NDUFAF2: variants seen among roughly 807,000 people sequenced by gnomAD.
NDUFAF2 encodes the protein NADH:ubiquinone oxidoreductase complex assembly factor 2.
Under a neutral mutation model 22.8 loss-of-function variants are expected in NDUFAF2, and 13 were observed. The observed-to-expected ratio is 0.57, with a 90% CI of 0.37 to 0.91. The LOEUF is 0.91. Among genes scored for constraint, NDUFAF2 ranks in the 40% least tolerant of loss-of-function variants. The probability of loss-of-function intolerance (pLI) is 0.01; values close to 1 mark genes in which losing one functional copy is unlikely to be tolerated. For missense variants in NDUFAF2, 162 were observed against 195.2 expected, an observed-to-expected ratio of 0.83 and a Z score of 1.01; for synonymous variants, 53 against 64.2, an observed-to-expected ratio of 0.83 and a Z score of 0.84.
intron 1 of NDUFAF2, among the ~76,000 whole-genome samples, chr5:60,978,676 A>C (rs980889520): frequency 6.6e-5 from 10 of 152,182 alleles, no homozygotes; most frequent in Admixed American, 5.9e-4. Context: ...ATTACAATTC[A>C]ACATCATATT....
At chr5:60,996,322 A>G (rs982200899) in intron 1 of NDUFAF2, among the ~76,000 whole-genome samples, 2 of 152,106 alleles carry the variant, frequency 1.3e-5, no homozygotes, top group African/African-American at 4.8e-5. Flanking sequence ...ACCAGGGTGT[A>G]TCTAGAAATG....
At chr5:60,969,198 T>A (rs1305136499) in intron 1 of NDUFAF2, among the ~76,000 whole-genome samples, 1 of 152,130 alleles carries the variant, frequency 6.6e-6, no homozygotes, top group Admixed American at 6.5e-5. Flanking sequence ...CTCTTTGATA[T>A]ACTGTTTTCC....
chr5:60,991,613 A>G (rs935936432), intron 1 of NDUFAF2, among the ~76,000 whole-genome samples: 3 of 152,158 alleles, frequency 2.0e-5, no homozygotes, highest in African/African-American at 4.8e-5. Context: ...AGTTCCATTC[A>G]TGTTGTTGCA....
chr5:61,129,971 C>T (rs1033645695), intron 3 of NDUFAF2, among the ~76,000 whole-genome samples: 1 of 151,904 alleles, frequency 6.6e-6, no homozygotes, highest in Non-Finnish European at 1.5e-5. Flanking sequence ...CTAATTCCTG[C>T]CACACTTAAA....
rs112926599 is a variant in NDUFAF2 at position 60,972,404 on chromosome 5, G to A, written c.127+27022G>A. Among the ~76,000 whole-genome samples, 22 of 152,208 alleles carry A rather than the reference G, an allele frequency of 1.4e-4. No homozygotes were observed. The South Asian group carries it at 4.6e-3, about 32-fold the overall frequency. On this transcript the variant is annotated intron_variant, in intron 1 of 3. Transcript: ENST00000296597. ...TGGTTTCCCCAATCCTGCTCTTGTG[G>A]TGATGAGTGAGTTCTCATGAGATCT...
At chr5:60,948,351 C>G (rs1750493504) in intron 1 of NDUFAF2, among the ~76,000 whole-genome samples, 1 of 152,068 alleles carries the variant, frequency 6.6e-6, no homozygotes. Flanking sequence ...TCCCAAGTAA[C>G]TGAGATGTGT....
intron 1 of NDUFAF2, among the ~76,000 whole-genome samples, chr5:61,022,658 G>C (rs1038051016): frequency 6.6e-6 from 1 of 152,040 alleles, no homozygotes; most frequent in Non-Finnish European, 1.5e-5. Flanking sequence ...TTGTTTGTTC[G>C]TTTTGAGACG....
chr5:61,017,438 ATGTT>A (rs780214578), intron 1 of NDUFAF2, among the ~76,000 whole-genome samples: 144 of 152,224 alleles, frequency 9.5e-4, no homozygotes, highest in Middle Eastern at 3.4e-3. Flanking sequence ...ACTTTGTAGA[ATGTT>A]TGAGACAAAA....
At chr5:60,977,849 A>AAG (rs1398906093) in intron 1 of NDUFAF2, among the ~76,000 whole-genome samples, 1 of 151,544 alleles carries the variant, frequency 6.6e-6, no homozygotes, top group Non-Finnish European at 1.5e-5. Flanking sequence ...AAAAAAAAAA[A>AAG]AAAGAAAAGA....
At chr5:61,088,996 T>G (rs988814186) in intron 2 of NDUFAF2, among the ~76,000 whole-genome samples, 2 of 152,142 alleles carry the variant, frequency 1.3e-5, no homozygotes, top group Non-Finnish European at 2.9e-5. Flanking sequence ...TACTTTAGCC[T>G]CTATTGACAA....
intron 3 of NDUFAF2, among the ~76,000 whole-genome samples, chr5:61,130,520 G>A (rs1753096049): frequency 6.6e-6 from 1 of 152,112 alleles, no homozygotes; most frequent in Non-Finnish European, 1.5e-5. Flanking sequence ...TTGCCATATT[G>A]CAGTGTTCAG....
chr5:61,138,073 C>T (rs1274511507), intron 3 of NDUFAF2, among the ~76,000 whole-genome samples: 1 of 152,216 alleles, frequency 6.6e-6, no homozygotes, highest in Admixed American at 6.5e-5. Flanking sequence ...ACTGTCTGCT[C>T]ACAGCATTCA....
chr5:61,135,014 T>C lies in NDUFAF2; in HGVS notation c.259-17690T>C, dbSNP rs572329089. The stretch of plus-strand genomic sequence containing the variant: ...TATTGGCATTTTTATTTTACACACA[T>C]ATTTAAAATAAATATATTAATATTC... On this transcript the variant is annotated intron_variant, in intron 3 of 3. Transcript: ENST00000296597. Among the ~76,000 whole-genome samples the C allele has an allele frequency of 3.3e-5, 5 of 151,930 alleles. No individual in the cohort carries two copies. In the East Asian group the frequency reaches 7.8e-4, roughly 24 times the overall value.
At chr5:60,986,460 A>G (rs942329181) in intron 1 of NDUFAF2, among the ~76,000 whole-genome samples, 1 of 152,214 alleles carries the variant, frequency 6.6e-6, no homozygotes, top group African/African-American at 2.4e-5. Context: ...TCTGGGGCAC[A>G]GATATGGCAG....
chr5:60,964,958 G>A (rs1463290667), intron 1 of NDUFAF2, among the ~76,000 whole-genome samples: 2 of 151,996 alleles, frequency 1.3e-5, no homozygotes, highest in South Asian at 4.2e-4. Context: ...CCTTTGTCAC[G>A]TATTTTCTGT....
chr5:61,108,818 T>C (rs1159272545), intron 3 of NDUFAF2, among the ~76,000 whole-genome samples: 1 of 152,196 alleles, frequency 6.6e-6, no homozygotes, highest in African/African-American at 2.4e-5. Flanking sequence ...CATTGGCCTG[T>C]GTGTCTGTTT....
At chr5:61,118,054 G>C (rs971904171) in intron 3 of NDUFAF2, among the ~76,000 whole-genome samples, 1 of 152,030 alleles carries the variant, frequency 6.6e-6, no homozygotes, top group South Asian at 2.1e-4. Context: ...TTTCTATATG[G>C]AGTCCTTCCT....
At chr5:60,953,985 T>A (rs1750581446) in intron 1 of NDUFAF2, among the ~76,000 whole-genome samples, 1 of 152,158 alleles carries the variant, frequency 6.6e-6, no homozygotes, top group African/African-American at 2.4e-5. Context: ...GAGGAACACA[T>A]AGACACAGAT....
intron 1 of NDUFAF2, among the ~76,000 whole-genome samples, chr5:61,015,457 T>G (rs575154233): frequency 6.6e-6 from 1 of 152,140 alleles, no homozygotes; most frequent in African/African-American, 2.4e-5. Flanking sequence ...AATTTTTGTA[T>G]TTTTAGTAGA....
Sources: gnomAD v4.1 joint callset for allele counts (sites outside exome capture counted in the v4.1 genomes callset) on GRCh38, gnomAD v4.1.1 for gene constraint, MANE v1.5 for transcripts, NCBI Gene and HGNC (gene_info 2026-07-23, HGNC 2026-07-21) for gene names.